ADD1: variants seen among roughly 807,000 people sequenced by gnomAD.
ADD1 encodes the protein adducin 1.
In ADD1, 24 loss-of-function variants were observed where a neutral mutation model predicts 80.5. The ratio of observed to expected loss-of-function variants is 0.30; its 90% CI spans 0.22 to 0.42. The LOEUF is 0.42. ADD1 is among the 10% of genes least tolerant of loss of function. The pLI is 1.00. For missense variants in ADD1, 948 were observed against 1,019.0 expected (o/e 0.93, Z 0.95); for synonymous variants, 373 against 393.8 (o/e 0.95, Z 0.63).
At chr4:2,914,426 AC>A (rs1294048133) in intron 13 of ADD1, among the ~76,000 whole-genome samples, 10 of 152,206 alleles carry the variant, frequency 6.6e-5, no homozygotes. Context: ...AACAGAACTT[AC>A]CTGTGCTCTT....
At chr4:2,848,627 C>A (rs1016787025) in intron 1 of ADD1, among the ~76,000 whole-genome samples, 1 of 151,346 alleles carries the variant, frequency 6.6e-6, no homozygotes, top group Non-Finnish European at 1.5e-5. Context: ...TGCCAACAGG[C>A]TTGGCTAATT....
chr4:2,863,436 A>G (rs1729098400), intron 1 of ADD1, among the ~76,000 whole-genome samples: 1 of 152,108 alleles, frequency 6.6e-6, no homozygotes, highest in Non-Finnish European at 1.5e-5. Flanking sequence ...GAAGCAAATT[A>G]TATATATGAG....
At chr4:2,864,021 C>G (rs1007734896) in intron 1 of ADD1, among the ~76,000 whole-genome samples, 2 of 152,228 alleles carry the variant, frequency 1.3e-5, no homozygotes, top group South Asian at 2.1e-4. Flanking sequence ...GTTTGGTTAA[C>G]TTACTGTCTC....
chr4:2,898,710 G>A, intron 8 of ADD1, 179 bp downstream of exon 8: 2 of 623,628 alleles, frequency 3.2e-6, no homozygotes, highest in South Asian at 3.8e-5. Flanking sequence ...ATTGAAGTTG[G>A]CAAAGGATTA....
intron 4 of ADD1, among the ~76,000 whole-genome samples, chr4:2,888,400 AATTATTATTATTATT>A (rs34400467): frequency 7.1e-6 from 1 of 139,948 alleles, no homozygotes; most frequent in African/African-American, 2.7e-5. Context: ...GTAATAATGA[AATTATTATTATTATT>A]ATTATTATTA....
At chr4:2,918,446 A>C (rs1739439673) in intron 14 of ADD1, among the ~76,000 whole-genome samples, 1 of 152,350 alleles carries the variant, frequency 6.6e-6, no homozygotes, top group South Asian at 2.1e-4. Context: ...ATATACAATC[A>C]TGTCATCTGA....
chr4:2,845,704 G>T (rs1201103892), intron 1 of ADD1, among the ~76,000 whole-genome samples: 1 of 152,068 alleles, frequency 6.6e-6, no homozygotes, highest in Non-Finnish European at 1.5e-5. Context: ...TACTGAGAAG[G>T]TTTTGTTTGG....
chr4:2,903,216 C>T (rs778528658), intron 9 of ADD1, among the ~76,000 whole-genome samples: 9 of 152,094 alleles, frequency 5.9e-5, no homozygotes, highest in Admixed American at 2.0e-4. Flanking sequence ...CTGTGCAGTC[C>T]CTCCAAGTCC....
chr4:2,850,017 T>C (rs1160357175), intron 1 of ADD1, among the ~76,000 whole-genome samples: 1 of 152,214 alleles, frequency 6.6e-6, no homozygotes, highest in African/African-American at 2.4e-5. Context: ...TGTGTGAATG[T>C]TCAGAGCAGC....
intron 4 of ADD1, among the ~76,000 whole-genome samples, chr4:2,889,481 T>C (rs1733945952): frequency 6.6e-6 from 1 of 152,178 alleles, no homozygotes; most frequent in East Asian, 1.9e-4. Context: ...AAAGAAAAGA[T>C]GGATAAATTT....
At chr4:2,916,676 T>C (rs1270023590) in intron 14 of ADD1, among the ~76,000 whole-genome samples, 2 of 152,210 alleles carry the variant, frequency 1.3e-5, no homozygotes, top group African/African-American at 2.4e-5. Flanking sequence ...CCTGATGCTA[T>C]CCTTCCCCTA....
intron 14 of ADD1, among the ~76,000 whole-genome samples, chr4:2,919,566 AG>A (rs1739646022): frequency 2.0e-5 from 3 of 151,998 alleles, no homozygotes; most frequent in South Asian, 2.1e-4. Context: ...TAGTCTTGGG[AG>A]GGTGTATGTA....
chr4:2,915,254 C>T (rs1316766876), intron 14 of ADD1, among the ~76,000 whole-genome samples: 1 of 152,208 alleles, frequency 6.6e-6, no homozygotes, highest in Non-Finnish European at 1.5e-5. Context: ...TGCCTTTAAT[C>T]CAGCACTTTG....
At position 2,909,407 on chromosome 4, in the gene ADD1, C is replaced by T. The variant is rs535021964; in HGVS notation, c.1767C>T (p.Pro589=). 360 of 1,550,216 alleles carry T rather than the reference C, an allele frequency of 2.3e-4. No individual in the cohort carries two copies. The highest frequency in any genetic ancestry group is 1.0e-3 in the South Asian group (88 of 84,042). ...GLELTEQTFS[P]AKSLSFRKGE... is the part of the protein sequence containing the mutation. ...AGCTTACAGAGCAGACCTTTAGTCC[C>T]GCTAAATCTCTCTCTTTTAGAAAGG... The change falls in exon 13 of 16, where the codon CCC becomes CCT. Residue 589 remains proline (P), a synonymous_variant. Coordinates refer to ENST00000683351, the MANE Select transcript of ADD1 (RefSeq NM_001354761.2).
At chr4:2,890,297 G>T (rs1399722372) in intron 4 of ADD1, among the ~76,000 whole-genome samples, 1 of 151,988 alleles carries the variant, frequency 6.6e-6, no homozygotes, top group Non-Finnish European at 1.5e-5. Context: ...TTTCACAGAA[G>T]GGGAAATAAG....
intron 14 of ADD1, among the ~76,000 whole-genome samples, chr4:2,916,286 C>T (rs1056556550): frequency 4.6e-5 from 7 of 151,720 alleles, no homozygotes; most frequent in Admixed American, 1.3e-4. Context: ...ATCTCCGCCT[C>T]CTGGGTTCAA....
rs186993151 is a variant in ADD1 at position 2,865,165 on chromosome 4, T to C, written c.-20-10731T>C. On this transcript the variant is annotated intron_variant, in intron 1 of 15. Coordinates refer to ENST00000683351, the MANE Select transcript of ADD1 (RefSeq NM_001354761.2). The stretch of plus-strand genomic sequence containing the variant: ...CAAAAGATGCCATACATACACTATT[T>C]TCTCTTGTTTTTTTTTTCCTGCCTG... Among the ~76,000 whole-genome samples, 26 of 151,982 alleles carry C rather than the reference T, an allele frequency of 1.7e-4. No homozygotes were observed. In the East Asian group the frequency reaches 5.0e-3, roughly 29 times the overall value.
intron 1 of ADD1, among the ~76,000 whole-genome samples, chr4:2,847,096 G>A (rs1577398307): frequency 6.6e-6 from 1 of 151,570 alleles, no homozygotes; most frequent in Non-Finnish European, 1.5e-5. Flanking sequence ...TAGCCTGGGC[G>A]ACACGGAGCG....
intron 1 of ADD1, among the ~76,000 whole-genome samples, chr4:2,873,554 C>A (rs1014956523): frequency 6.6e-6 from 1 of 152,186 alleles, no homozygotes; most frequent in Non-Finnish European, 1.5e-5. Context: ...GAAAGTAATA[C>A]CTGCCTTATC....
Sources: allele counts gnomAD v4.1 joint callset (sites outside exome capture counted in the v4.1 genomes callset), GRCh38; gene constraint gnomAD v4.1.1; transcripts MANE v1.5; gene names NCBI Gene and HGNC (gene_info 2026-07-23, HGNC 2026-07-21).